VSNL1: variants seen among roughly 807,000 people sequenced by gnomAD.
VSNL1 encodes the protein visinin like 1.
Under a neutral mutation model 20.4 loss-of-function variants are expected in VSNL1, and 6 were observed. The ratio of observed to expected loss-of-function variants is 0.29; its 90% CI spans 0.16 to 0.58. The LOEUF is 0.58. Ranked by LOEUF, VSNL1 falls within the 20% of genes least tolerant of loss-of-function variation. The probability of loss-of-function intolerance (pLI) is 0.90; values close to 1 mark genes in which losing one functional copy is unlikely to be tolerated. For missense variants in VSNL1, 100 were observed against 234.5 expected (o/e 0.43, Z 3.75); for synonymous variants, 93 against 86.4 (o/e 1.08, Z -0.42).
intron 1 of VSNL1, among the ~76,000 whole-genome samples, chr2:17,572,482 T>C (rs1664106752): frequency 1.3e-5 from 2 of 152,190 alleles, no homozygotes; most frequent in South Asian, 4.2e-4. Flanking sequence ...CAGCCCAGGA[T>C]ACTTATGCCA....
chr2:17,571,761 G>A (rs1443279281), intron 1 of VSNL1, among the ~76,000 whole-genome samples: 3 of 152,140 alleles, frequency 2.0e-5, no homozygotes, highest in African/African-American at 4.8e-5. Flanking sequence ...CATTTTAAGA[G>A]CTACAAAGAA....
rs1019271867 is a variant in VSNL1, at chr2:17,592,653, T to C, written c.162+417T>C. On this transcript the variant is annotated intron_variant, in intron 2 of 3. Coordinates refer to ENST00000295156, the MANE Select transcript of VSNL1 (RefSeq NM_003385.5). ...CTCTCTCTCTCTCTTTTTTTTTTTT[T>C]TTTTTTTTTTTTTTTTTTTTTTTTT... 1.8e-3 allele frequency among the ~76,000 whole-genome samples: 167 copies of C among 94,264 alleles called. 7 individuals are homozygous for C. Among genetic ancestry groups the C allele is most frequent in the East Asian group, 9.0e-3 (29 of 3,234 alleles). The allele number at this position is 94,264 out of a possible 152,430, so 61.8% of individuals were successfully genotyped here.
chr2:17,632,204 C>A (rs1292650960), intron 2 of VSNL1, among the ~76,000 whole-genome samples: 2 of 152,054 alleles, frequency 1.3e-5, no homozygotes, highest in African/African-American at 4.8e-5. Context: ...TGCTGTATCC[C>A]CAGTGTGAGA....
chr2:17,607,118 G>A (rs1323809918), intron 2 of VSNL1, among the ~76,000 whole-genome samples: 4 of 152,152 alleles, frequency 2.6e-5, no homozygotes, highest in Non-Finnish European at 5.9e-5. Context: ...GTCAAGGCCT[G>A]TCTTAGTGGG....
intron 1 of VSNL1, among the ~76,000 whole-genome samples, chr2:17,571,714 T>A (rs892189644): frequency 1.3e-5 from 2 of 152,200 alleles, no homozygotes; most frequent in African/African-American, 2.4e-5. Context: ...CAATAAATAC[T>A]CATGTAAATT....
intron 2 of VSNL1, among the ~76,000 whole-genome samples, chr2:17,647,656 G>A (rs1336392954): frequency 1.3e-5 from 2 of 152,166 alleles, no homozygotes. Flanking sequence ...CAAAGAAGAA[G>A]GAAAGTCCTT....
rs550442951 is a variant in VSNL1, at chr2:17,570,303, A to G, written c.-5-21767A>G. ...GATTAACAAAACTGTACTTAAATGC[A>G]GATGCTTGGGAGAATCACTTATTAG... On this transcript the variant is annotated intron_variant, in intron 1 of 3. Coordinates refer to ENST00000295156, the MANE Select transcript of VSNL1 (RefSeq NM_003385.5). Among the ~76,000 whole-genome samples, 4 of 152,352 alleles carry G rather than the reference A, an allele frequency of 2.6e-5. 1 individual carries two copies. The South Asian group carries it at 6.2e-4, about 24-fold the overall frequency.
At chr2:17,586,622 A>ATCCC (rs1664479811) in intron 1 of VSNL1, among the ~76,000 whole-genome samples, 1 of 152,142 alleles carries the variant, frequency 6.6e-6, no homozygotes, top group Non-Finnish European at 1.5e-5. Flanking sequence ...TTCTGTTTAT[A>ATCCC]TCCCACCTTA....
rs536733523 is a variant in VSNL1 at position 17,631,280 on chromosome 2, C to T, written c.163-18130C>T. Among the ~76,000 whole-genome samples the T allele has an allele frequency of 2.0e-5, 3 of 151,768 alleles. No individual in the cohort carries two copies. In the South Asian group the frequency reaches 6.3e-4, roughly 32 times the overall value. On this transcript the variant is annotated intron_variant, in intron 2 of 3. Coordinates refer to ENST00000295156, the MANE Select transcript of VSNL1 (RefSeq NM_003385.5). ...CTTTCAAAATGACACCAAAACCAAA[C>T]ACCATTTAGGAAAATTCTGATGCCT...
chr2:17,594,298 A>G (rs1309669472), intron 2 of VSNL1, among the ~76,000 whole-genome samples: 1 of 152,174 alleles, frequency 6.6e-6, no homozygotes, highest in Admixed American at 6.6e-5. Context: ...ATTTTTGGCA[A>G]ACTCTTATTC....
In VSNL1 at chr2:17,649,489, A is replaced by G. The variant is rs1353238517; in HGVS notation, c.242A>G (p.Asp81Gly). The stretch of plus-strand genomic sequence containing the variant: ...GACAAGAATGGGGACGGCACCATTG[A>G]CTTCCGAGAGTTCATCTGCGCTCTG... The part of the protein sequence containing the change: ...TFDKNGDGTI[D>G]FREFICALSI... Residue 81 changes from aspartate to glycine, a missense_variant, in exon 3 of 4, where the codon GAC becomes GGC. Physicochemically the swap from Asp to Gly is moderately conservative, Grantham distance 94. Coordinates refer to ENST00000295156, the MANE Select transcript of VSNL1 (RefSeq NM_003385.5). The surrounding 1 kb of genome is among the most constrained non-coding windows in gnomAD (Gnocchi z 6.4). 1 of 1,614,080 alleles carries G rather than the reference A, an allele frequency of 6.2e-7. No homozygotes were observed.
chr2:17,650,875 C>G (rs761098390), intron 3 of VSNL1, among the ~76,000 whole-genome samples: 2 of 152,200 alleles, frequency 1.3e-5, no homozygotes, highest in African/African-American at 2.4e-5. Flanking sequence ...AATGCCCACT[C>G]CCTTTCAAAT....
intron 1 of VSNL1, among the ~76,000 whole-genome samples, chr2:17,575,836 G>A (rs1176618708): frequency 6.6e-5 from 10 of 151,966 alleles, no homozygotes; most frequent in South Asian, 2.1e-4. Context: ...CGCCCGGCCC[G>A]ATTTCACAAA....
At chr2:17,643,251 AAC>A (rs1021072292) in intron 2 of VSNL1, among the ~76,000 whole-genome samples, 4 of 152,156 alleles carry the variant, frequency 2.6e-5, no homozygotes, top group Non-Finnish European at 4.4e-5. Flanking sequence ...TTTGGCAGAA[AAC>A]AGTTTTTGGA....
intron 2 of VSNL1, among the ~76,000 whole-genome samples, chr2:17,600,271 A>G (rs903703455): frequency 6.6e-6 from 1 of 152,236 alleles, no homozygotes; most frequent in African/African-American, 2.4e-5. Context: ...AAATGAGAAT[A>G]ACACTCTGGG....
intron 1 of VSNL1, among the ~76,000 whole-genome samples, chr2:17,571,715 C>T (rs1664089514): frequency 6.6e-6 from 1 of 152,114 alleles, no homozygotes; most frequent in African/African-American, 2.4e-5. Flanking sequence ...AATAAATACT[C>T]ATGTAAATTA....
intron 2 of VSNL1, among the ~76,000 whole-genome samples, chr2:17,633,844 G>A (rs1210940753): frequency 2.0e-5 from 3 of 152,158 alleles, no homozygotes; most frequent in Admixed American, 6.5e-5. Context: ...GAAAGAGCAG[G>A]CTGAGAAGAC....
chr2:17,544,992 A>T (rs1663375439), intron 1 of VSNL1, among the ~76,000 whole-genome samples: 1 of 152,192 alleles, frequency 6.6e-6, no homozygotes, highest in Non-Finnish European at 1.5e-5. Flanking sequence ...TTTTTAAAAT[A>T]GTATCTTCAG....
intron 1 of VSNL1, among the ~76,000 whole-genome samples, chr2:17,582,117 G>A (rs73220677): frequency 0.03 from 4,608 of 152,266 alleles, 220 homozygotes; most frequent in African/African-American, 0.11. Context: ...TGCCCTCAGA[G>A]CAAAAGGAGC....
Sources: allele counts gnomAD v4.1 joint callset (sites outside exome capture counted in the v4.1 genomes callset), GRCh38; gene constraint gnomAD v4.1.1; non-coding constraint Gnocchi (gnomAD v3.1); transcripts MANE v1.5; gene names NCBI Gene and HGNC (gene_info 2026-07-23, HGNC 2026-07-21).